Variants in RIMKLB observed in about 807,000 individuals in gnomAD.
RIMKLB encodes ribosomal modification protein rimK like family member B.
RIMKLB carries 7 observed loss-of-function variants against 32.0 expected under a neutral mutation model. The ratio of observed to expected loss-of-function variants is 0.22; its 90% CI spans 0.12 to 0.41. RIMKLB has a LOEUF of 0.41. Ranked by LOEUF, RIMKLB falls within the 10% of genes least tolerant of loss-of-function variation. RIMKLB has a pLI of 1.00. For synonymous variants in RIMKLB, 172 were observed against 185.1 expected, an observed-to-expected ratio of 0.93 and a Z score of 0.57; for missense variants, 289 against 498.7, an observed-to-expected ratio of 0.58 and a Z score of 4.00.
Position 8,721,722 on chromosome 12 carries a change from C to T in RIMKLB, c.175+7681C>T, listed in dbSNP as rs748152955. ...ATCAATGGTGATATCTTGACCTTCT[C>T]TCATGAATTATGAGTGTTTTTTGTT... On this transcript the variant is annotated intron_variant, in intron 2 of 5. Transcript: ENST00000535829. 1.1e-4 allele frequency among the ~76,000 whole-genome samples: 16 copies of T among 152,210 alleles called. No individual in the cohort carries two copies. In the South Asian group the frequency reaches 3.3e-3, roughly 32 times the overall value.
chr12:8,770,367 T>A (rs1426757391), intron 5 of RIMKLB, among the ~76,000 whole-genome samples: 3 of 152,228 alleles, frequency 2.0e-5, no homozygotes, highest in Non-Finnish European at 4.4e-5. Context: ...ATAGTTTTAG[T>A]TCATCTGTTT....
At chr12:8,742,075 T>C (rs771312710) in intron 2 of RIMKLB, among the ~76,000 whole-genome samples, 5 of 151,656 alleles carry the variant, frequency 3.3e-5, no homozygotes, top group African/African-American at 1.2e-4. Flanking sequence ...TAATTTTGTA[T>C]TTATAGTAGA....
At chr12:8,758,124 T>C (rs1949215955) in intron 5 of RIMKLB, among the ~76,000 whole-genome samples, 1 of 152,142 alleles carries the variant, frequency 6.6e-6, no homozygotes, top group Non-Finnish European at 1.5e-5. Flanking sequence ...AATTTATCTC[T>C]CACTGTTGAG....
intron 2 of RIMKLB, among the ~76,000 whole-genome samples, chr12:8,714,887 A>T (rs539129310): frequency 1.3e-5 from 2 of 152,142 alleles, no homozygotes; most frequent in Non-Finnish European, 2.9e-5. Flanking sequence ...TTCCTTTGTG[A>T]CTAGAATTAT....
chr12:8,682,989 C>A (rs1323282804), intron 1 of RIMKLB, among the ~76,000 whole-genome samples: 1 of 151,904 alleles, frequency 6.6e-6, no homozygotes, highest in Non-Finnish European at 1.5e-5. Context: ...TCCTGAATGT[C>A]ATATAGTTAG....
At chr12:8,750,676 A>G (rs568933065) in intron 3 of RIMKLB, among the ~76,000 whole-genome samples, 23 of 152,228 alleles carry the variant, frequency 1.5e-4, no homozygotes, top group Non-Finnish European at 3.1e-4. Context: ...CATGTAAAAT[A>G]TAATAAAATG....
At chr12:8,744,561 T>A (rs1051050756) in intron 2 of RIMKLB, among the ~76,000 whole-genome samples, 4 of 151,904 alleles carry the variant, frequency 2.6e-5, no homozygotes, top group Admixed American at 2.6e-4. Context: ...TTTAATCTTC[T>A]TGTTTTGTTT....
chr12:8,780,960 A>C (rs1950994839), downstream of RIMKLB, among the ~76,000 whole-genome samples: 1 of 152,230 alleles, frequency 6.6e-6, no homozygotes. Context: ...GTGACCTTTA[A>C]TTATGGCAAA....
intron 1 of RIMKLB, among the ~76,000 whole-genome samples, chr12:8,706,262 C>T (rs1393004972): frequency 1.3e-5 from 2 of 151,654 alleles, no homozygotes; most frequent in Non-Finnish European, 2.9e-5. Context: ...TCCTCAGGCT[C>T]CCAAGTAGCT....
the RIMKLB span, among the ~76,000 whole-genome samples, chr12:8,676,146 C>T: frequency 4.6e-5 from 7 of 151,974 alleles, no homozygotes; most frequent in East Asian, 1.2e-3. Context: ...GATCTTGGCT[C>T]ACTGCAGCCT....
At chr12:8,779,205 C>G (rs1026058756), downstream of RIMKLB, 4 of 152,306 alleles carry the variant, frequency 2.6e-5, no homozygotes, top group East Asian at 5.8e-4. Flanking sequence ...AACCTCCAGT[C>G]AGCTGCCTGT....
In RIMKLB at chr12:8,773,011, C is replaced by T. The variant is rs775490890; in HGVS notation, c.698-310C>T. ...TTTTATAAATCAAAAACCAATAATACTTTTGCCATCTATCAAGTGGTCTAA... is the reference window on the plus strand; with the variant it reads ...TTTTATAAATCAAAAACCAATAATATTTTTGCCATCTATCAAGTGGTCTAA... On this transcript the variant is annotated intron_variant, in intron 5 of 5. Transcript: ENST00000535829. 7.2e-5 allele frequency among the ~76,000 whole-genome samples: 11 copies of T among 151,966 alleles called. No individual in the cohort carries two copies. The South Asian group carries it at 8.3e-4, about 11-fold the overall frequency.
chr12:8,742,514 C>A, intron 2 of RIMKLB: 1 of 399,096 alleles, frequency 2.5e-6, no homozygotes, highest in South Asian at 1.9e-5. Context: ...ACTTAGGGGG[C>A]ACCACCCTTC....
chr12:8,753,603 G>A (rs1948792030), intron 4 of RIMKLB, among the ~76,000 whole-genome samples: 1 of 152,032 alleles, frequency 6.6e-6, no homozygotes, highest in African/African-American at 2.4e-5. Flanking sequence ...TTCATTATTG[G>A]CTAACCTGGG....
At chr12:8,764,077 C>T (rs764566272) in intron 5 of RIMKLB, among the ~76,000 whole-genome samples, 2 of 152,134 alleles carry the variant, frequency 1.3e-5, no homozygotes, top group East Asian at 1.9e-4. Context: ...CTCCACTGTC[C>T]GTTGGGTTTC....
chr12:8,724,224 C>T (rs1174567523), intron 2 of RIMKLB, among the ~76,000 whole-genome samples: 1 of 152,066 alleles, frequency 6.6e-6, no homozygotes, highest in Non-Finnish European at 1.5e-5. Flanking sequence ...TCAATTCTGT[C>T]ATTTGTTTTC....
intron 5 of RIMKLB, among the ~76,000 whole-genome samples, chr12:8,767,150 G>A (rs1039531578): frequency 1.3e-5 from 2 of 152,218 alleles, no homozygotes; most frequent in East Asian, 3.8e-4. Context: ...TCAATTATAG[G>A]TTTTAAATTT....
chr12:8,670,090 G>A, the RIMKLB span, among the ~76,000 whole-genome samples: 2 of 149,224 alleles, frequency 1.3e-5, no homozygotes, highest in East Asian at 3.9e-4. Flanking sequence ...TACCTCCCCC[G>A]GGTCCCTCCC....
chr12:8,743,354 C>CAAAAAAAAAAAAAAA (rs60066068), intron 2 of RIMKLB, among the ~76,000 whole-genome samples: 4 of 65,186 alleles, frequency 6.1e-5, no homozygotes, highest in African/African-American at 1.7e-4. Flanking sequence ...GAGTCTGTCT[C>CAAAAAAAAAAAAAAA]AAAAAAAAAA....
Sources: gnomAD v4.1 joint callset for allele counts (sites outside exome capture counted in the v4.1 genomes callset) on GRCh38, gnomAD v4.1.1 for gene constraint, MANE v1.5 for transcripts, NCBI Gene and HGNC (gene_info 2026-07-23, HGNC 2026-07-21) for gene names.